The following NLRP13 variants were observed in gnomAD, a reference collection of about 807,000 sequenced individuals.
The protein encoded by NLRP13 is NLR family pyrin domain containing 13.
Under a neutral mutation model 94.4 loss-of-function variants are expected in NLRP13, and 82 were observed. The ratio of observed to expected loss-of-function variants is 0.87; its 90% CI spans 0.73 to 1.04. The LOEUF is 1.04. NLRP13 is among the 50% of genes least tolerant of loss of function. The pLI, the probability that NLRP13 is intolerant of heterozygous loss-of-function variation, is 0.00. For synonymous variants in NLRP13, 553 were observed against 464.7 expected, an observed-to-expected ratio of 1.19 and a Z score of -2.45; for missense variants, 1,426 against 1,230.8, an observed-to-expected ratio of 1.16 and a Z score of -2.37.
intron 1 of NLRP13, among the ~76,000 whole-genome samples, chr19:55,927,973 A>T (rs1387325326): frequency 1.3e-5 from 2 of 152,198 alleles, no homozygotes; most frequent in African/African-American, 4.8e-5. Flanking sequence ...CATATCCCAC[A>T]ACACTGGTCA....
Position 55,913,110 on chromosome 19 carries a change from C to A in NLRP13, c.707G>T (p.Arg236Met). 1 of 1,614,140 alleles carries A rather than the reference C, an allele frequency of 6.2e-7. No homozygotes were observed. Among genetic ancestry groups the A allele is most frequent in the South Asian group, 1.1e-5 (1 of 91,086 alleles). The change falls in exon 5 of 11, where the codon AGG (arginine) becomes ATG (methionine). Residue 236 changes from arginine (R) to methionine (M), a missense_variant. Physicochemically the swap from Arg to Met is moderately conservative, Grantham distance 91. Coordinates refer to ENST00000342929, the MANE Select transcript of NLRP13 (RefSeq NM_176810.2). ...CAAGGTGGTCTTCCCAACCCCTGCC[C>A]TCCCCACCAAGACTATCGTCTGGGC... ...AQAQTIVLVGRAGVGKTTLAM... is the reference protein window; with the variant it reads ...AQAQTIVLVGMAGVGKTTLAM...
rs544413027 is a variant in NLRP13, at chr19:55,912,571, C to T, written c.1246G>A (p.Glu416Lys). ...GCACTGCAGGAATGAAAGAGAGTTT[C>T]GTTTTTTCTTAGCTGCTGCAGGATT... ...EKILQQLRKNETLFHSCSAPM... is the reference protein window; with the variant it reads ...EKILQQLRKNKTLFHSCSAPM... Residue 416 changes from glutamate (E) to lysine (K), a missense_variant, in exon 5 of 11, where the codon GAA becomes AAA. Glu to Lys is a moderately conservative substitution (Grantham distance 56). Coordinates refer to ENST00000342929, the MANE Select transcript of NLRP13 (RefSeq NM_176810.2). The T allele has an allele frequency of 1.2e-5, 20 of 1,614,154 alleles. No individual in the cohort carries two copies. The highest frequency in any genetic ancestry group is 9.3e-5 in the African/African-American group (7 of 75,054).
chr19:55,930,632 GC>G (rs1987088847), intron 1 of NLRP13, among the ~76,000 whole-genome samples: 1 of 137,450 alleles, frequency 7.3e-6, no homozygotes, highest in African/African-American at 2.8e-5. Flanking sequence ...AGTGCAGTAA[GC>G]CAAGATCACA....
chr19:55,912,874 C>A lies in NLRP13; in HGVS notation c.943G>T (p.Glu315Ter), dbSNP rs866889624. The change falls in exon 5 of 11, where the codon GAA becomes TAA. Residue 315 changes from glutamate to a stop codon, truncating the protein, a stop_gained. Transcript: ENST00000342929. LOFTEE classifies it high-confidence loss of function. ...GAGCGTGACTCAGATATGATTATTT[C>A]CTCAAAGCCATCAATAATAAACAGG... ...KLLFIIDGFEEIIISESRSES... is the reference protein window; with the variant it reads ...KLLFIIDGFE 5 of 1,614,074 alleles carry A rather than the reference C, an allele frequency of 3.1e-6. No homozygotes were observed. Among genetic ancestry groups the A allele is most frequent in the Non-Finnish European group, 3.4e-6 (4 of 1,180,050 alleles).
At chr19:55,899,179 G>T (rs570147392) in intron 9 of NLRP13, among the ~76,000 whole-genome samples, 1 of 152,012 alleles carries the variant, frequency 6.6e-6, no homozygotes, top group South Asian at 2.1e-4. Context: ...CCCCCCGCAG[G>T]TGCATGAACG....
chr19:55,910,437 A>C (rs1221670066), intron 6 of NLRP13, 126 bp downstream of exon 6: 2 of 863,674 alleles, frequency 2.3e-6, no homozygotes, highest in African/African-American at 1.7e-5. Flanking sequence ...ATACAAGCAC[A>C]GTTTATTTTA....
chr19:55,927,391 G>A (rs1986992888), intron 1 of NLRP13, among the ~76,000 whole-genome samples: 1 of 147,904 alleles, frequency 6.8e-6, no homozygotes, highest in African/African-American at 2.5e-5. Flanking sequence ...AAAAAAGAGT[G>A]AAAACTATAT....
At chr19:55,899,953 GTTTTTTT>G (rs34231494) in intron 9 of NLRP13, among the ~76,000 whole-genome samples, 1 of 141,070 alleles carries the variant, frequency 7.1e-6, no homozygotes, top group African/African-American at 2.6e-5. Flanking sequence ...TATAATTGTT[GTTTTTTT>G]TTTTTTTTGA....
chr19:55,896,334 GCAACA>G (rs1402008169), intron 10 of NLRP13, among the ~76,000 whole-genome samples: 5 of 150,836 alleles, frequency 3.3e-5, no homozygotes, highest in Non-Finnish European at 7.4e-5. Flanking sequence ...ACCATCCTGG[GCAACA>G]TGGTGAAACC....
chr19:55,923,721 G>A (rs191097010), intron 4 of NLRP13, among the ~76,000 whole-genome samples, 193 bp downstream of exon 4: 44 of 152,126 alleles, frequency 2.9e-4, no homozygotes, highest in African/African-American at 8.4e-4. Context: ...TTCGTTGTTC[G>A]GCCAGGGTCT....
At chr19:55,909,787 T>C (rs950580240) in intron 6 of NLRP13, among the ~76,000 whole-genome samples, 3 of 152,222 alleles carry the variant, frequency 2.0e-5, no homozygotes, top group African/African-American at 7.2e-5. Flanking sequence ...TTGAATATAC[T>C]AAGTACATTC....
Position 55,898,953 on chromosome 19 carries a change from A to G in NLRP13, c.2790-16T>C, listed in dbSNP as rs1410333638. 1.9e-6 allele frequency: 3 copies of G among 1,605,040 alleles called. No individual in the cohort carries two copies. The highest frequency in any genetic ancestry group is 2.5e-6 in the Non-Finnish European group (3 of 1,176,714). ...ACCTGACAAACTGCAAAATAAAAACATACAAAAGGGGGGAAAGTAATTGCG... is the reference window on the plus strand; with the variant it reads ...ACCTGACAAACTGCAAAATAAAAACGTACAAAAGGGGGGAAAGTAATTGCG... On this transcript the variant is annotated splice_polypyrimidine_tract_variant and intron_variant, in intron 9 of 10. Transcript: ENST00000342929.
At chr19:55,916,052 G>A (rs534509998) in intron 4 of NLRP13, among the ~76,000 whole-genome samples, 47 of 152,276 alleles carry the variant, frequency 3.1e-4, no homozygotes, top group African/African-American at 1.1e-3. Flanking sequence ...GAGACCAAGA[G>A]CCTACTCACA....
intron 4 of NLRP13, among the ~76,000 whole-genome samples, chr19:55,919,242 T>C (rs1455972119): frequency 6.6e-6 from 1 of 152,106 alleles, no homozygotes; most frequent in Non-Finnish European, 1.5e-5. Context: ...AAGCCATATA[T>C]GACAAATCCA....
chr19:55,911,077 C>G (rs900351208), intron 5 of NLRP13, among the ~76,000 whole-genome samples: 1 of 152,148 alleles, frequency 6.6e-6, no homozygotes, highest in Non-Finnish European at 1.5e-5. Flanking sequence ...TGCAAGACCA[C>G]CCCTAGCTTC....
chr19:55,901,785 A>G (rs1986184779), intron 9 of NLRP13, among the ~76,000 whole-genome samples: 1 of 152,006 alleles, frequency 6.6e-6, no homozygotes, highest in African/African-American at 2.4e-5. Context: ...GAATACGACT[A>G]TGGGCTGGAT....
In NLRP13 at chr19:55,912,986, C is replaced by T. The variant is rs1568695248; in HGVS notation, c.831G>A (p.Lys277=). 6.2e-7 allele frequency: 1 copy of T among 1,614,102 alleles called. No individual in the cohort carries two copies. The highest frequency in any genetic ancestry group is 8.5e-7 in the Non-Finnish European group (1 of 1,179,990). Residue 277 remains lysine, a synonymous_variant, in exon 5 of 11, where the codon AAG becomes AAA. Transcript: ENST00000342929. ...YLSCHKIRYM[K]ETTFAELISL... ...AAATCAATTCAGCAAAGGTAGTTTCCTTCATGTACCTTATTTTATGGCAGC... is the reference window on the plus strand; with the variant it reads ...AAATCAATTCAGCAAAGGTAGTTTCTTTCATGTACCTTATTTTATGGCAGC...
intron 1 of NLRP13, among the ~76,000 whole-genome samples, chr19:55,930,511 C>A (rs1475954942): frequency 1.3e-5 from 2 of 151,596 alleles, no homozygotes; most frequent in African/African-American, 2.4e-5. Flanking sequence ...CATGGCAAAA[C>A]CCCGTCTCTA....
At position 55,907,783 on chromosome 19, in the gene NLRP13, A is replaced by G. The variant is rs1986395439; in HGVS notation, c.2447+9T>C. ...CCCCCTTGACAGATCTAGGGAGCCA[A>G]AGACTTACCACAGATACTTGAGGTT... On this transcript the variant is annotated intron_variant, in intron 7 of 10. Coordinates refer to ENST00000342929, the MANE Select transcript of NLRP13 (RefSeq NM_176810.2). The G allele has an allele frequency of 3.7e-6, 6 of 1,613,606 alleles. No homozygotes were observed. Among genetic ancestry groups the G allele is most frequent in the Non-Finnish European group, 5.1e-6 (6 of 1,179,782 alleles).
Sources: gnomAD v4.1 joint callset for allele counts (sites outside exome capture counted in the v4.1 genomes callset) on GRCh38, gnomAD v4.1.1 for gene constraint, MANE v1.5 for transcripts, NCBI Gene and HGNC (gene_info 2026-07-23, HGNC 2026-07-21) for gene names.